Variants in HEMK2 observed in about 807,000 individuals in gnomAD.
HEMK2 encodes the protein methyltransferase HEMK2.
chr21:28,852,413 A>G, the HEMK2 span, among the ~76,000 whole-genome samples: 1 of 151,616 alleles, frequency 6.6e-6, no homozygotes, highest in Non-Finnish European at 1.5e-5. Flanking sequence ...TAATTACCTG[A>G]CCTCCATAAG....
At chr21:28,642,519 C>T in the HEMK2 span, among the ~76,000 whole-genome samples, 16 of 152,192 alleles carry the variant, frequency 1.1e-4, no homozygotes, top group Non-Finnish European at 2.2e-4. Flanking sequence ...CTGGGGATGG[C>T]CAAGTACCAA....
chr21:28,721,923 CACACACACACACACAT>C, the HEMK2 span, among the ~76,000 whole-genome samples: 6 of 146,362 alleles, frequency 4.1e-5, no homozygotes, highest in African/African-American at 8.0e-5. Flanking sequence ...CACACACACA[CACACACACACACACAT>C]ACACCTATTT....
chr21:28,746,598 G>A, the HEMK2 span, among the ~76,000 whole-genome samples: 10 of 151,868 alleles, frequency 6.6e-5, no homozygotes, highest in South Asian at 2.1e-4. Context: ...ATAGGGTGAC[G>A]TGATAGAAAG....
the HEMK2 span, chr21:28,882,113 T>C: frequency 6.8e-7 from 1 of 1,469,032 alleles, no homozygotes; most frequent in Non-Finnish European, 9.2e-7. Context: ...TAAAGCATCT[T>C]AACTTTATTT....
At chr21:28,732,275 T>C in the HEMK2 span, among the ~76,000 whole-genome samples, 1 of 152,228 alleles carries the variant, frequency 6.6e-6, no homozygotes, top group African/African-American at 2.4e-5. Flanking sequence ...AATTGCTGTA[T>C]AGTTCTATGT....
chr21:28,607,894 G>A, the HEMK2 span, among the ~76,000 whole-genome samples: 1 of 152,116 alleles, frequency 6.6e-6, no homozygotes, highest in Non-Finnish European at 1.5e-5. Flanking sequence ...GATGCAAGAG[G>A]GGCTGATACA....
the HEMK2 span, chr21:28,674,709 T>TA: frequency 3.3e-5 from 5 of 152,260 alleles, no homozygotes; most frequent in African/African-American, 1.2e-4. Flanking sequence ...CAAAATATCT[T>TA]AGACTGGGTA....
At chr21:28,622,108 A>C in the HEMK2 span, among the ~76,000 whole-genome samples, 1 of 152,076 alleles carries the variant, frequency 6.6e-6, no homozygotes, top group Non-Finnish European at 1.5e-5. Flanking sequence ...ATCTCCTTAA[A>C]CTAATAAGCA....
the HEMK2 span, among the ~76,000 whole-genome samples, chr21:28,749,147 T>G: frequency 6.6e-6 from 1 of 152,002 alleles, no homozygotes. Context: ...GCCAAAAGAG[T>G]GGACTACCCT....
chr21:28,782,155 G>T, the HEMK2 span, among the ~76,000 whole-genome samples: 1 of 152,124 alleles, frequency 6.6e-6, no homozygotes, highest in Non-Finnish European at 1.5e-5. Flanking sequence ...CTTAATCTTT[G>T]CAGTGTGTTC....
At chr21:28,879,042 T>C in the HEMK2 span, among the ~76,000 whole-genome samples, 1 of 148,666 alleles carries the variant, frequency 6.7e-6, no homozygotes, top group Non-Finnish European at 1.5e-5. Context: ...TTATATAATA[T>C]TAAAAAATCT....
chr21:28,633,867 C>T, the HEMK2 span, among the ~76,000 whole-genome samples: 2 of 152,116 alleles, frequency 1.3e-5, no homozygotes, highest in African/African-American at 2.4e-5. Context: ...ATCTGCCATC[C>T]GTCTCCACAC....
the HEMK2 span, among the ~76,000 whole-genome samples, chr21:28,578,264 TG>T: frequency 6.6e-6 from 1 of 152,254 alleles, no homozygotes; most frequent in African/African-American, 2.4e-5. Context: ...CCCTTTCTGC[TG>T]AACCTAAATC....
the HEMK2 span, among the ~76,000 whole-genome samples, chr21:28,807,492 A>G: frequency 6.6e-6 from 1 of 152,194 alleles, no homozygotes; most frequent in East Asian, 1.9e-4. Flanking sequence ...ACTGCAATGC[A>G]GTCACCATAG....
At chr21:28,863,514 T>C in the HEMK2 span, among the ~76,000 whole-genome samples, 1 of 141,532 alleles carries the variant, frequency 7.1e-6, no homozygotes. Context: ...TAAACCAAGG[T>C]TCCGTTTTAC....
At chr21:28,733,493 C>A in the HEMK2 span, among the ~76,000 whole-genome samples, 1 of 152,142 alleles carries the variant, frequency 6.6e-6, no homozygotes, top group African/African-American at 2.4e-5. Flanking sequence ...GACATACACG[C>A]AGGTCTCATG....
the HEMK2 span, among the ~76,000 whole-genome samples, chr21:28,861,022 A>G: frequency 1.3e-5 from 2 of 152,346 alleles, no homozygotes; most frequent in East Asian, 1.9e-4. Flanking sequence ...AATGAATTAG[A>G]CACTTTAGAC....
At chr21:28,811,358 G>A in the HEMK2 span, among the ~76,000 whole-genome samples, 1,800 of 147,104 alleles carry the variant, frequency 0.012, 37 homozygotes, top group African/African-American at 0.043. Context: ...AGGAAGGAAG[G>A]GAGGGAGGAA....
At chr21:28,595,556 AC>A in the HEMK2 span, among the ~76,000 whole-genome samples, 18 of 152,120 alleles carry the variant, frequency 1.2e-4, no homozygotes, top group Admixed American at 5.2e-4. Flanking sequence ...AATAAATACT[AC>A]ATTTTTTTAA....
Sources: gnomAD v4.1 joint callset for allele counts (sites outside exome capture counted in the v4.1 genomes callset) on GRCh38, gnomAD v4.1.1 for gene constraint, MANE v1.5 for transcripts, NCBI Gene and HGNC (gene_info 2026-07-23, HGNC 2026-07-21) for gene names.